Variants in KIF27 observed in about 807,000 individuals in gnomAD.
KIF27 encodes the protein kinesin family member 27, also known as kinesin-like protein KIF27.
Under a neutral mutation model 141.8 loss-of-function variants are expected in KIF27, and 84 were observed. That is an observed-to-expected ratio of 0.59 (90% CI 0.50 to 0.71). The LOEUF is 0.71. KIF27 is among the 30% of genes least tolerant of loss of function. The probability of loss-of-function intolerance (pLI) is 0.00; values close to 1 mark genes in which losing one functional copy is unlikely to be tolerated. For missense variants in KIF27, 1,306 were observed against 1,628.4 expected, an observed-to-expected ratio of 0.80 and a Z score of 3.41; for synonymous variants, 471 against 569.5, an observed-to-expected ratio of 0.83 and a Z score of 2.46.
chr9:83,871,982 A>T (rs1361736086), intron 11 of KIF27, among the ~76,000 whole-genome samples: 3 of 150,600 alleles, frequency 2.0e-5, no homozygotes, highest in Admixed American at 2.0e-4. Flanking sequence ...AATTACAAGC[A>T]TGAGCCACCA....
At chr9:83,848,567 G>T (rs1948140386) in intron 16 of KIF27, 4 of 141,406 alleles carry the variant, frequency 2.8e-5, no homozygotes, top group African/African-American at 2.6e-5. Context: ...TCTATATATA[G>T]ATCTATATAT....
intron 15 of KIF27, among the ~76,000 whole-genome samples, chr9:83,852,610 T>A (rs1293800635): frequency 6.6e-6 from 1 of 152,194 alleles, no homozygotes; most frequent in Non-Finnish European, 1.5e-5. Context: ...TTTTCATTTA[T>A]CTTATTTCAC....
Position 83,883,715 on chromosome 9 carries a change from G to A in KIF27, c.2445+98C>T, listed in dbSNP as rs1951859663. 5.3e-6 allele frequency: 4 copies of A among 753,634 alleles called. No homozygotes were observed. The South Asian group carries it at 7.0e-5, about 13-fold the overall frequency. The allele number at this position is 753,634 out of a possible 1,614,324, so 46.7% of individuals were successfully genotyped here. A position where few individuals can be genotyped will look rare whatever the true frequency, so the allele number is the denominator to read the frequency against. On this transcript the variant is annotated intron_variant, in intron 10 of 17. Transcript: ENST00000297814. ...AAGTTGATACCCAGTTTCTCTTGCT[G>A]GTATAAACTGAATCCCACTTCTTTC... is the stretch of plus-strand genomic sequence containing the variant.
chr9:83,835,320 A>T lies in KIF27; in HGVS notation c.*1681T>A, dbSNP rs956261990. Among the ~76,000 whole-genome samples the T allele has an allele frequency of 6.6e-6, 1 of 151,800 alleles. No individual in the cohort carries two copies. Among genetic ancestry groups the T allele is most frequent in the African/African-American group, 2.4e-5 (1 of 41,380 alleles). ...TATAAAAATGGAAGACTAGCTGGAA[A>T]CCAGAATCTGACTTCAAACAGTTCC... is the stretch of plus-strand genomic sequence containing the variant. On this transcript the variant is annotated 3_prime_UTR_variant, in exon 18 of 18. Coordinates refer to ENST00000297814, the MANE Select transcript of KIF27 (RefSeq NM_017576.4).
At chr9:83,867,655 A>G (rs201128921) in intron 13 of KIF27, 29 bp downstream of exon 13, 213 of 1,559,672 alleles carry the variant, frequency 1.4e-4, no homozygotes, top group Non-Finnish European at 1.8e-4. Context: ...GTTTACAACC[A>G]GAATCAAGTA....
rs369773131 is a variant in KIF27, at chr9:83,903,171, G to A, written c.1347C>T (p.Val449=). 3.7e-6 allele frequency: 6 copies of A among 1,614,154 alleles called. No homozygotes were observed. The highest frequency in any genetic ancestry group is 5.1e-6 in the Non-Finnish European group (6 of 1,180,022). Residue 449 remains valine (V), a synonymous_variant, in exon 4 of 18, where the codon GTC becomes GTT. Transcript: ENST00000297814. ...GAAATGAGGTGAGGACAGCCTTCCT[G>A]ACCTCTTGGATCATGTTAAACCACT... ...LQEWFNMIQE[V]RKAVLTSFRG...
chr9:83,857,963 T>TG, intron 14 of KIF27, among the ~76,000 whole-genome samples: 1 of 144,876 alleles, frequency 6.9e-6, no homozygotes, highest in Non-Finnish European at 1.5e-5. Context: ...CATAATACTT[T>TG]GGGTTTTTTT....
At chr9:83,880,024 T>C in intron 11 of KIF27, 1 of 518,578 alleles carries the variant, frequency 1.9e-6, no homozygotes, top group Non-Finnish European at 3.4e-6. Context: ...AATGTATGTT[T>C]TTGACAGCTT....
In KIF27 at chr9:83,903,460, G is replaced by C; in HGVS notation, c.1058C>G (p.Ser353Ter). The C allele has an allele frequency of 1.2e-6, 2 of 1,614,120 alleles. No individual in the cohort carries two copies. The highest frequency in any genetic ancestry group is 1.7e-6 in the Non-Finnish European group (2 of 1,180,032). The change falls in exon 4 of 18, where the codon TCA becomes TGA. Residue 353 changes from serine to a stop codon, truncating the protein, a stop_gained. Coordinates refer to ENST00000297814, the MANE Select transcript of KIF27 (RefSeq NM_017576.4). LOFTEE classifies it high-confidence loss of function. ...NKPTVNFSPESDRIDEMEFEI... is the reference protein window; with the variant it reads ...NKPTVNFSPE ...AAATTCCATTTCATCTATACGGTCT[G>C]ACTCGGGGCTGAAGTTTACAGTGGG...
chr9:83,900,681 C>T (rs894843707), intron 4 of KIF27, among the ~76,000 whole-genome samples: 3 of 151,854 alleles, frequency 2.0e-5, no homozygotes, highest in Admixed American at 6.6e-5. Context: ...TGGAACCAAA[C>T]CAAATGCCTA....
In KIF27 at chr9:83,903,454, C is replaced by T. The variant is rs748681327; in HGVS notation, c.1064G>A (p.Arg355His). The T allele has an allele frequency of 1.2e-5, 20 of 1,614,044 alleles. No homozygotes were observed. The highest frequency in any genetic ancestry group is 1.6e-4 in the Middle Eastern group (1 of 6,062). The change falls in exon 4 of 18, where the codon CGT becomes CAT. Residue 355 changes from arginine (R) to histidine (H), a missense_variant. Coordinates refer to ENST00000297814, the MANE Select transcript of KIF27 (RefSeq NM_017576.4). Reference sequence around the variant, plus strand: ...AATCTCAAATTCCATTTCATCTATACGGTCTGACTCGGGGCTGAAGTTTAC... The same window carrying T: ...AATCTCAAATTCCATTTCATCTATATGGTCTGACTCGGGGCTGAAGTTTAC... ...PTVNFSPESD[R>H]IDEMEFEIKL...
At chr9:83,860,493 C>A (rs1451478508) in intron 13 of KIF27, among the ~76,000 whole-genome samples, 3 of 152,172 alleles carry the variant, frequency 2.0e-5, no homozygotes, top group Non-Finnish European at 1.5e-5. Context: ...TTAGTTAAAT[C>A]AATATTCATT....
chr9:83,890,327 G>A (rs149557434), intron 6 of KIF27, among the ~76,000 whole-genome samples: 2,270 of 152,176 alleles, frequency 0.015, 27 homozygotes, highest in Non-Finnish European at 0.024. Context: ...TCCCAATGGG[G>A]TATGAGGGAG....
chr9:83,842,645 T>C (rs1257903905), intron 16 of KIF27, among the ~76,000 whole-genome samples: 2 of 152,062 alleles, frequency 1.3e-5, no homozygotes, highest in Non-Finnish European at 2.9e-5. Flanking sequence ...TTTTTGTATT[T>C]TTAGTAGAGA....
intron 10 of KIF27, among the ~76,000 whole-genome samples, chr9:83,882,692 T>C (rs1399296311): frequency 6.6e-6 from 1 of 152,188 alleles, no homozygotes; most frequent in Non-Finnish European, 1.5e-5. Context: ...GTTCTACACC[T>C]TTCATTTTCT....
rs1453605416 is a variant in KIF27 at position 83,834,137 on chromosome 9, AAAG to A, written c.*2861_*2863del. On this transcript the variant is annotated 3_prime_UTR_variant, in exon 18 of 18. Transcript: ENST00000297814. ...ATGCTTTATTACAGTTAAGAGGAAA[AAAG>A]AACATAATGAACGAAAAAAAGAAAA... 6.6e-6 allele frequency among the ~76,000 whole-genome samples: 1 copy of A among 152,212 alleles called. No homozygotes were observed. The highest frequency in any genetic ancestry group is 1.5e-5 in the Non-Finnish European group (1 of 68,032).
Position 83,888,516 on chromosome 9 carries a change from T to C in KIF27, c.2056A>G (p.Thr686Ala), listed in dbSNP as rs1195075544. ...LVELSDTQDE[T>A]QKSDLENEDL... ...TCATTCTCCAAATCTGACTTTTGTG[T>C]TTCATCCTGAGTATCACTCAATTCA... Residue 686 changes from threonine to alanine, a missense_variant, in exon 8 of 18, where the codon ACA becomes GCA. Around this residue, in one of 4 missense-constraint regions of KIF27, gnomAD observed 596 missense variants for 751.6 expected, o/e 0.79. Coordinates refer to ENST00000297814, the MANE Select transcript of KIF27 (RefSeq NM_017576.4). The C allele has an allele frequency of 6.3e-7, 1 of 1,593,320 alleles. No individual in the cohort carries two copies.
Position 83,889,187 on chromosome 9 carries a change from T to C in KIF27, c.1876A>G (p.Met626Val). ...IFAGFRTRSQ[M>V]LLGHIEEQDK... is the part of the protein sequence containing the mutation. ...TGTTCTTCTATGTGACCCAACAGCA[T>C]CTGACTTCGTGTTCGAAATCCAGCA... The change falls in exon 7 of 18, where the codon ATG (methionine) becomes GTG (valine). Residue 626 changes from methionine to valine, a missense_variant. By Grantham distance (21) the Met-to-Val change is conservative. This residue lies in a region of KIF27 where 596 missense variants were observed against 751.6 expected (regional missense o/e 0.79). Transcript: ENST00000297814. The C allele has an allele frequency of 1.2e-6, 2 of 1,613,952 alleles. No individual in the cohort carries two copies. Among genetic ancestry groups the C allele is most frequent in the South Asian group, 1.1e-5 (1 of 91,060 alleles).
intron 12 of KIF27, chr9:83,868,082 T>C (rs1413640657): frequency 1.7e-5 from 8 of 471,308 alleles, no homozygotes; most frequent in Non-Finnish European, 2.9e-5. Context: ...TCCCCAGATA[T>C]GTTAAACAGT....
Sources: allele counts gnomAD v4.1 joint callset (sites outside exome capture counted in the v4.1 genomes callset), GRCh38; gene constraint gnomAD v4.1.1; regional missense constraint gnomAD v4.1.1; transcripts MANE v1.5; gene names NCBI Gene and HGNC (gene_info 2026-07-23, HGNC 2026-07-21).